The following NALCN variants were observed in gnomAD, a reference collection of about 807,000 sequenced individuals.
NALCN encodes sodium leak channel, non-selective.
A neutral mutation model predicts 225.3 loss-of-function variants in NALCN; 111 were observed. The observed-to-expected ratio is 0.49, with a 90% CI of 0.42 to 0.58. The LOEUF (loss-of-function observed/expected upper bound fraction) is 0.58. Ranked by LOEUF, NALCN falls within the 20% of genes least tolerant of loss-of-function variation. NALCN has a pLI of 0.00. For synonymous variants in NALCN, 764 were observed against 769.0 expected (o/e 0.99, Z 0.11); for missense variants, 1,378 against 2,202.4 (o/e 0.63, Z 7.49).
rs151026600 is a variant in NALCN at position 101,345,372 on chromosome 13, T to C, written c.693A>G (p.Pro231=). 58 of 1,613,842 alleles carry C rather than the reference T, an allele frequency of 3.6e-5. No homozygotes were observed. In the African/African-American group the frequency reaches 7.1e-4, roughly 20 times the overall value. The change falls in exon 7 of 44, where the codon CCA becomes CCG. Residue 231 remains proline (P), a synonymous_variant. Coordinates refer to ENST00000251127, the MANE Select transcript of NALCN (RefSeq NM_052867.4). ...SLAIPDTHCS[P]ELEEGYQCPP... ...GGCACTGGTAGCCTTCTTCTAGCTC[T>C]GGTGAGCAGTGTGTGTCTGGAATAG...
intron 34 of NALCN, among the ~76,000 whole-genome samples, chr13:101,080,965 C>T (rs2139505346): frequency 6.6e-6 from 1 of 151,946 alleles, no homozygotes; most frequent in East Asian, 1.9e-4. Context: ...AGGGTGAAGG[C>T]ACTTTAGGTA....
rs997728833 is a variant in NALCN at position 101,329,911 on chromosome 13, C to T, written c.799+15355G>A. Among the ~76,000 whole-genome samples, 9 of 151,744 alleles carry T rather than the reference C, an allele frequency of 5.9e-5. No homozygotes were observed. In the South Asian group the frequency reaches 1.0e-3, roughly 17 times the overall value. On this transcript the variant is annotated intron_variant, in intron 7 of 43. Transcript: ENST00000251127. ...AAAATTAGCCGGGCGTGGTGGCTCA[C>T]GCCTGTAGTCCCAGCTACTTGGGAG...
chr13:101,118,851 C>T (rs967853159), intron 18 of NALCN, among the ~76,000 whole-genome samples: 23 of 152,114 alleles, frequency 1.5e-4, no homozygotes, highest in African/African-American at 5.3e-4. Context: ...CAGCACCTTC[C>T]CTTTCCACTG....
Position 101,230,180 on chromosome 13 carries a change from C to T in NALCN, c.1435-596G>A, listed in dbSNP as rs2041290598. 2.0e-5 allele frequency among the ~76,000 whole-genome samples: 3 copies of T among 152,174 alleles called. No individual in the cohort carries two copies. In the South Asian group the frequency reaches 6.2e-4, roughly 32 times the overall value. On this transcript the variant is annotated intron_variant, in intron 12 of 43. Transcript: ENST00000251127. ...CATTATGCACATACATACAAATATTCCAAAATCTGACAAACATCGAAAGCC... is the reference window on the plus strand; with the variant it reads ...CATTATGCACATACATACAAATATTTCAAAATCTGACAAACATCGAAAGCC...
At chr13:101,354,059 G>C (rs1361241500) in intron 6 of NALCN, among the ~76,000 whole-genome samples, 2 of 152,122 alleles carry the variant, frequency 1.3e-5, no homozygotes, top group Admixed American at 1.3e-4. Context: ...TATCAGAAAA[G>C]TTGGTCGGGT....
intron 14 of NALCN, among the ~76,000 whole-genome samples, chr13:101,188,670 CTG>C (rs1158208447): frequency 7.6e-6 from 1 of 131,834 alleles, no homozygotes; most frequent in Non-Finnish European, 1.6e-5. Context: ...GTGTGTGTGT[CTG>C]TGTGTGTGTA....
chr13:101,171,709 C>G (rs17485338), intron 15 of NALCN, among the ~76,000 whole-genome samples: 1 of 152,058 alleles, frequency 6.6e-6, no homozygotes, highest in South Asian at 2.1e-4. Flanking sequence ...GTGACCATCA[C>G]GGCACACACT....
At chr13:101,312,784 T>C (rs1176340128) in intron 7 of NALCN, among the ~76,000 whole-genome samples, 3 of 151,978 alleles carry the variant, frequency 2.0e-5, no homozygotes, top group African/African-American at 7.3e-5. Flanking sequence ...CTTCCAACTA[T>C]GTGGTCAAGC....
intron 37 of NALCN, among the ~76,000 whole-genome samples, chr13:101,070,098 A>C (rs1238275221): frequency 8.9e-6 from 1 of 112,396 alleles, no homozygotes; most frequent in Non-Finnish European, 1.7e-5. Flanking sequence ...ACGGAGTCTC[A>C]CTCTGTCGCC....
At position 101,104,706 on chromosome 13, in the gene NALCN, G is replaced by A; in HGVS notation, c.2637-56C>T. The A allele has an allele frequency of 6.2e-7, 1 of 1,605,468 alleles. No individual in the cohort carries two copies. The highest frequency in any genetic ancestry group is 8.5e-7 in the Non-Finnish European group (1 of 1,174,998). On this transcript the variant is annotated intron_variant, in intron 23 of 43. Transcript: ENST00000251127. The surrounding 1 kb of genome is among the most constrained non-coding windows in gnomAD (Gnocchi z 4.2). ...TAAAGGTTCCAGGAAAGGCTTCTAA[G>A]AGTTAGAGATGATGGCTTCTGTGGC...
At chr13:101,384,859 T>A (rs1323903986) in intron 3 of NALCN, among the ~76,000 whole-genome samples, 5 of 152,188 alleles carry the variant, frequency 3.3e-5, no homozygotes, top group Admixed American at 3.3e-4. Flanking sequence ...GCTTTGGGAA[T>A]ATTATAAAAG....
intron 14 of NALCN, 108 bp downstream of exon 14, chr13:101,191,809 A>AT: frequency 8.8e-7 from 1 of 1,142,692 alleles, no homozygotes; most frequent in Non-Finnish European, 1.2e-6. Context: ...ATTAGTCTGC[A>AT]TTAGTCCTTT....
rs903405223 is a variant in NALCN, at chr13:101,062,866, G to A, written c.4605-748C>T. On this transcript the variant is annotated intron_variant, in intron 40 of 43. Coordinates refer to ENST00000251127, the MANE Select transcript of NALCN (RefSeq NM_052867.4). ...GATCCACCTGCCTCAGCCTCCCAAA[G>A]AGCTGGGATTACAGGTGTGAGCCAC... is the stretch of plus-strand genomic sequence containing the variant. Among the ~76,000 whole-genome samples, 28 of 152,078 alleles carry A rather than the reference G, an allele frequency of 1.8e-4. 1 individual carries two copies. Among genetic ancestry groups the A allele is most frequent in the Non-Finnish European group, 1.5e-5 (1 of 68,006 alleles).
chr13:101,175,819 T>C (rs947195890), intron 15 of NALCN, among the ~76,000 whole-genome samples: 2 of 152,238 alleles, frequency 1.3e-5, no homozygotes, highest in African/African-American at 4.8e-5. Context: ...CCGTCTGTTT[T>C]CATACATAAC....
intron 7 of NALCN, among the ~76,000 whole-genome samples, chr13:101,294,124 A>G (rs2043649321): frequency 6.6e-6 from 1 of 152,214 alleles, no homozygotes; most frequent in African/African-American, 2.4e-5. Flanking sequence ...AATTGAACCC[A>G]TATCATCAGG....
chr13:101,123,848 A>AAAAAATCCAGCTAATG (rs2036099380), intron 18 of NALCN, among the ~76,000 whole-genome samples: 2 of 152,210 alleles, frequency 1.3e-5, no homozygotes, highest in Non-Finnish European at 2.9e-5. Context: ...CTAGTAATAA[A>AAAAAATCCAGCTAATG]TCTAGTAGAA....
chr13:101,144,236 G>C (rs911792361), intron 16 of NALCN, among the ~76,000 whole-genome samples: 1 of 152,182 alleles, frequency 6.6e-6, no homozygotes, highest in Admixed American at 6.5e-5. Context: ...ATCAGTATGA[G>C]TGGAAAAACG....
intron 10 of NALCN, among the ~76,000 whole-genome samples, chr13:101,278,671 C>G (rs2043045666): frequency 6.6e-6 from 1 of 151,876 alleles, no homozygotes; most frequent in African/African-American, 2.4e-5. Context: ...TAACAGAAGT[C>G]AGGGTTATGT....
intron 3 of NALCN, among the ~76,000 whole-genome samples, chr13:101,390,035 T>C (rs1379845169): frequency 1.3e-5 from 2 of 152,170 alleles, no homozygotes; most frequent in Admixed American, 6.5e-5. Flanking sequence ...TGAGCCAAGA[T>C]TGCACCACTG....
Sources: allele counts gnomAD v4.1 joint callset (sites outside exome capture counted in the v4.1 genomes callset), GRCh38; gene constraint gnomAD v4.1.1; non-coding constraint Gnocchi (gnomAD v3.1); transcripts MANE v1.5; gene names NCBI Gene and HGNC (gene_info 2026-07-23, HGNC 2026-07-21).